Variants in FNDC1 observed in about 807,000 individuals in gnomAD.
The protein encoded by FNDC1 is fibronectin type III domain containing 1.
Under a neutral mutation model 168.0 loss-of-function variants are expected in FNDC1, and 96 were observed. The ratio of observed to expected loss-of-function variants is 0.57; its 90% confidence interval spans 0.48 to 0.68. The LOEUF (loss-of-function observed/expected upper bound fraction) is 0.68, where lower values mean the gene tolerates loss of function less well. Ranked by LOEUF, FNDC1 falls within the 30% of genes least tolerant of loss-of-function variation. The pLI, the probability that FNDC1 is intolerant of heterozygous loss-of-function variation, is 0.00. For missense variants in FNDC1, 2,587 were observed against 2,482.1 expected (o/e 1.04, Z -0.90); for synonymous variants, 1,099 against 1,025.9 (o/e 1.07, Z -1.36).
intron 16 of FNDC1, 113 bp from the exon 17 acceptor site, chr6:159,251,189 C>T (rs1405795493): frequency 2.0e-5 from 15 of 744,518 alleles, no homozygotes; most frequent in African/African-American, 1.0e-4. Context: ...ATGGAGCCTC[C>T]GTCCAGCAGG....
chr6:159,241,418 G>C (rs1321020457), intron 14 of FNDC1, among the ~76,000 whole-genome samples: 2 of 152,114 alleles, frequency 1.3e-5, no homozygotes, highest in East Asian at 1.9e-4. Flanking sequence ...TGGCATGAAA[G>C]TCAATATTTT....
chr6:159,212,111 A>ACCTG (rs1782618371), intron 4 of FNDC1, among the ~76,000 whole-genome samples: 1 of 152,194 alleles, frequency 6.6e-6, no homozygotes, highest in Non-Finnish European at 1.5e-5. Context: ...CACCCAGGGG[A>ACCTG]CCTGCCAAGT....
intron 1 of FNDC1, among the ~76,000 whole-genome samples, chr6:159,192,209 A>AC (rs1374438293): frequency 6.6e-6 from 1 of 151,972 alleles, no homozygotes; most frequent in Non-Finnish European, 1.5e-5. Context: ...CCCTGCCCCC[A>AC]CCTCTAAAAT....
At chr6:159,207,002 T>C (rs1305236154) in intron 4 of FNDC1, among the ~76,000 whole-genome samples, 1 of 152,138 alleles carries the variant, frequency 6.6e-6, no homozygotes, top group Non-Finnish European at 1.5e-5. Flanking sequence ...CTTTAGGTAA[T>C]AAAAATGTGG....
chr6:159,209,572 C>T (rs1443889646), intron 4 of FNDC1, among the ~76,000 whole-genome samples: 1 of 152,166 alleles, frequency 6.6e-6, no homozygotes, highest in African/African-American at 2.4e-5. Context: ...CCCAGGATGT[C>T]AGGCAGGATC....
chr6:159,204,812 G>A (rs1782455570), intron 4 of FNDC1, among the ~76,000 whole-genome samples: 1 of 152,188 alleles, frequency 6.6e-6, no homozygotes, highest in South Asian at 2.1e-4. Flanking sequence ...CTTCCTGATT[G>A]TCCTCACACA....
At chr6:159,269,250 C>T (rs554522983) in intron 22 of FNDC1, among the ~76,000 whole-genome samples, 14,373 of 86,708 alleles carry the variant, frequency 0.17, 1,713 homozygotes, top group East Asian at 0.44. Context: ...TCTATCTATC[C>T]ATCTATCATC....
intron 5 of FNDC1, among the ~76,000 whole-genome samples, 174 bp from the exon 6 acceptor site, chr6:159,221,424 T>C (rs1228555218): frequency 1.3e-5 from 2 of 152,252 alleles, no homozygotes; most frequent in African/African-American, 4.8e-5. Context: ...GTTTAATTCC[T>C]GCAGTTCTTG....
chr6:159,202,976 T>C (rs1345996566), intron 4 of FNDC1, among the ~76,000 whole-genome samples: 1 of 152,228 alleles, frequency 6.6e-6, no homozygotes, highest in Non-Finnish European at 1.5e-5. Flanking sequence ...TGTTGGCAGG[T>C]TTGATTTCTC....
At chr6:159,187,452 T>G (rs1782026931) in intron 1 of FNDC1, among the ~76,000 whole-genome samples, 1 of 152,228 alleles carries the variant, frequency 6.6e-6, no homozygotes, top group Middle Eastern at 3.2e-3. Context: ...GGTTTGATTT[T>G]ATTTTTTGTA....
rs767289355 is a variant in FNDC1, at chr6:159,271,374, G to A, written c.5617G>A (p.Gly1873Ser). The A allele has an allele frequency of 1.9e-6, 3 of 1,612,522 alleles. No individual in the cohort carries two copies. Among genetic ancestry groups the A allele is most frequent in the South Asian group, 2.2e-5 (2 of 90,536 alleles). ...GGAGCCTGTCAGGTTTGGGAACATC[G>A]GCTTCGGAACCCCCTACTACTATGT... ...RQEPVRFGNI[G>S]FGTPYYYVGW... The change falls in exon 23 of 23, where the codon GGC becomes AGC. Residue 1873 changes from glycine to serine, a missense_variant. Gly to Ser is a moderately conservative substitution (Grantham distance 56). Coordinates refer to ENST00000297267, the MANE Select transcript of FNDC1 (RefSeq NM_032532.3).
chr6:159,206,713 C>A (rs141742073), intron 4 of FNDC1, among the ~76,000 whole-genome samples: 6 of 152,280 alleles, frequency 3.9e-5, no homozygotes, highest in Admixed American at 2.0e-4. Context: ...AGAGATTCTA[C>A]TTCTTGTCTT....
Position 159,239,732 on chromosome 6 carries a change from C to T in FNDC1, c.4396C>T (p.Pro1466Ser), listed in dbSNP as rs1354738917. 1.3e-6 allele frequency: 2 copies of T among 1,548,048 alleles called. No individual in the cohort carries two copies. The highest frequency in any genetic ancestry group is 1.4e-5 in the African/African-American group (1 of 72,904). The part of the protein sequence containing the change: ...TTTPLPTTTT[P>S]RPTTATTRRT... ...GACGCCCCTGCCTACCACTACAACCCCGAGGCCCACCACTGCCACCACCCG... is the reference window on the plus strand; with the variant it reads ...GACGCCCCTGCCTACCACTACAACCTCGAGGCCCACCACTGCCACCACCCG... Residue 1466 changes from proline to serine, a missense_variant, in exon 14 of 23, where the codon CCG becomes TCG. Transcript: ENST00000297267.
chr6:159,213,408 T>G (rs1231660872), intron 4 of FNDC1, among the ~76,000 whole-genome samples: 1 of 152,156 alleles, frequency 6.6e-6, no homozygotes, highest in Non-Finnish European at 1.5e-5. Context: ...TTTTAAAAAA[T>G]TTTTATTGCA....
At chr6:159,176,872 T>A (rs1421501672) in intron 1 of FNDC1, among the ~76,000 whole-genome samples, 1 of 152,228 alleles carries the variant, frequency 6.6e-6, no homozygotes, top group African/African-American at 2.4e-5. Flanking sequence ...GTTTGGGGCC[T>A]TCTTCATGCC....
In FNDC1 at chr6:159,169,697, C is replaced by G. The variant is rs534463114; in HGVS notation, c.101C>G (p.Ala34Gly). The G allele has an allele frequency of 3.3e-4, 379 of 1,156,388 alleles. 2 individuals carry two copies. The African/African-American group carries it at 5.7e-3, about 17-fold the overall frequency. The allele number at this position is 1,156,388 out of a possible 1,614,324, so 71.6% of individuals were successfully genotyped here. The change falls in exon 1 of 23, where the codon GCG becomes GGG. Residue 34 changes from alanine to glycine, a missense_variant. Ala to Gly is a moderately conservative substitution (Grantham distance 60). Transcript: ENST00000297267. The surrounding 1 kb of genome is among the most constrained non-coding windows in gnomAD (Gnocchi z 6.8). ...AALLPVASSA[A>G]ASVDHPLKPR... The stretch of plus-strand genomic sequence containing the variant: ...CTGCTCCCCGTCGCCTCCTCGGCGG[C>G]GGCCTCAGGTACGCGCCGCGCCCGG...
chr6:159,265,308 A>G (rs1483615473), intron 20 of FNDC1, among the ~76,000 whole-genome samples: 1 of 152,232 alleles, frequency 6.6e-6, no homozygotes, highest in East Asian at 1.9e-4. Flanking sequence ...CTGAAAAGGT[A>G]GCAAAGTGCA....
chr6:159,216,310 A>T (rs1019160488), intron 5 of FNDC1, among the ~76,000 whole-genome samples: 53 of 152,342 alleles, frequency 3.5e-4, no homozygotes, highest in Middle Eastern at 3.4e-3. Flanking sequence ...AGTATTAACC[A>T]TCACACAGGC....
At chr6:159,230,141 A>C (rs888226133) in intron 10 of FNDC1, 138 bp downstream of exon 10, 89 of 690,968 alleles carry the variant, frequency 1.3e-4, no homozygotes, top group Admixed American at 7.4e-4. Flanking sequence ...ATTGATTTTT[A>C]AAATATTTTT....
Sources: allele counts gnomAD v4.1 joint callset (sites outside exome capture counted in the v4.1 genomes callset), GRCh38; gene constraint gnomAD v4.1.1; non-coding constraint Gnocchi (gnomAD v3.1); transcripts MANE v1.5; gene names NCBI Gene and HGNC (gene_info 2026-07-23, HGNC 2026-07-21).